The following PCDHA2 variants were observed in gnomAD, a reference collection of about 807,000 sequenced individuals.
The protein encoded by PCDHA2 is protocadherin alpha-2.
Under a neutral mutation model 66.0 loss-of-function variants are expected in PCDHA2, and 58 were observed. That is an observed-to-expected ratio of 0.88 (90% CI 0.71 to 1.09). PCDHA2 has a LOEUF of 1.09. Ranked by LOEUF, PCDHA2 falls within the 50% of genes least tolerant of loss-of-function variation. The pLI is 0.00. For synonymous variants in PCDHA2, 634 were observed against 554.0 expected (o/e 1.14, Z -2.03); for missense variants, 1,267 against 1,242.3 (o/e 1.02, Z -0.30).
chr5:140,842,018 C>T, intron 1 of PCDHA2: 1 of 1,613,764 alleles, frequency 6.2e-7, no homozygotes, highest in Non-Finnish European at 8.5e-7. Context: ...GGTCACAGTG[C>T]TGGATGTGAA....
At chr5:140,815,479 C>G (rs1197812042) in intron 1 of PCDHA2, 1 of 152,058 alleles carries the variant, frequency 6.6e-6, no homozygotes, top group Non-Finnish European at 1.5e-5. Context: ...TACTTCTCCC[C>G]TACCCAAATT....
intron 1 of PCDHA2, among the ~76,000 whole-genome samples, chr5:140,800,552 T>C (rs1554121157): frequency 6.6e-6 from 1 of 152,206 alleles, no homozygotes; most frequent in Non-Finnish European, 1.5e-5. Flanking sequence ...CTGATTTTTC[T>C]ATAAAATGTA....
chr5:140,841,237 C>T (rs1428420937), intron 1 of PCDHA2: 16 of 1,479,782 alleles, frequency 1.1e-5, no homozygotes, highest in Middle Eastern at 2.0e-4. Context: ...GGAGATGCAG[C>T]GGAATTGGAT....
intron 1 of PCDHA2, chr5:140,821,814 C>A (rs139136006): frequency 5.7e-5 from 92 of 1,613,758 alleles, no homozygotes; most frequent in Non-Finnish European, 7.6e-5. Flanking sequence ...GATCCCGGCT[C>A]CTGCTGCTCT....
At chr5:140,904,471 C>G (rs2071156688) in intron 1 of PCDHA2, among the ~76,000 whole-genome samples, 1 of 151,730 alleles carries the variant, frequency 6.6e-6, no homozygotes, top group Non-Finnish European at 1.5e-5. Context: ...TGATTGGTGG[C>G]TATTTGGTCT....
chr5:140,841,385 G>A, intron 1 of PCDHA2: 1 of 1,613,440 alleles, frequency 6.2e-7, no homozygotes, highest in Non-Finnish European at 8.5e-7. Flanking sequence ...TCTGCTCCTC[G>A]CAGCCTGGAA....
chr5:140,980,949 A>G (rs1187381167), intron 2 of PCDHA2, among the ~76,000 whole-genome samples: 1 of 152,182 alleles, frequency 6.6e-6, no homozygotes, highest in East Asian at 1.9e-4. Context: ...TGGCTCCAGG[A>G]TAGTTACACC....
At chr5:140,860,183 C>G (rs1286653695) in intron 1 of PCDHA2, 2 of 149,278 alleles carry the variant, frequency 1.3e-5, no homozygotes, top group Non-Finnish European at 3.0e-5. Flanking sequence ...ATATGATGGG[C>G]TCTCCTTACA....
chr5:140,810,990 G>C (rs1764773060), intron 1 of PCDHA2: 1 of 152,100 alleles, frequency 6.6e-6, no homozygotes, highest in South Asian at 2.1e-4. Flanking sequence ...TAGGGGTCAA[G>C]ATTTATTTTT....
At chr5:140,804,334 CT>C (rs1763380343) in intron 1 of PCDHA2, 1 of 151,888 alleles carries the variant, frequency 6.6e-6, no homozygotes, top group Non-Finnish European at 1.5e-5. Context: ...AATAATACTA[CT>C]GTATTATATG....
intron 1 of PCDHA2, among the ~76,000 whole-genome samples, chr5:140,914,691 T>G (rs1300550753): frequency 6.6e-6 from 1 of 152,130 alleles, no homozygotes; most frequent in Non-Finnish European, 1.5e-5. Flanking sequence ...TTTTCTCTGG[T>G]GGTATGATTT....
intron 1 of PCDHA2, among the ~76,000 whole-genome samples, chr5:140,933,677 T>G (rs1024721491): frequency 6.6e-6 from 1 of 151,826 alleles, no homozygotes; most frequent in African/African-American, 2.4e-5. Flanking sequence ...CTCTCTCACA[T>G]TTTTTTTCCT....
At chr5:140,857,327 C>G (rs1554149849) in intron 1 of PCDHA2, 1 of 1,598,614 alleles carries the variant, frequency 6.3e-7, no homozygotes, top group Non-Finnish European at 8.6e-7. Flanking sequence ...GGTGACCGCG[C>G]GGGACGGGGG....
intron 1 of PCDHA2, chr5:140,827,943 A>G (rs1212909516): frequency 3.0e-5 from 36 of 1,183,776 alleles, no homozygotes; most frequent in Non-Finnish European, 3.8e-5. Context: ...TAGCTAGCCA[A>G]CATTCAAATT....
intron 1 of PCDHA2, chr5:140,877,743 G>A: frequency 6.2e-7 from 1 of 1,614,148 alleles, no homozygotes; most frequent in Non-Finnish European, 8.5e-7. Context: ...GGAGGCAGAG[G>A]GTGTGCTCTG....
At chr5:140,850,730 G>T (rs1439103901) in intron 1 of PCDHA2, 3 of 1,597,976 alleles carry the variant, frequency 1.9e-6, no homozygotes, top group Non-Finnish European at 2.6e-6. Flanking sequence ...CTAGCGCGGT[G>T]GGGAGTTGGT....
At chr5:140,975,523 A>T (rs1275717294) in intron 1 of PCDHA2, among the ~76,000 whole-genome samples, 1 of 152,196 alleles carries the variant, frequency 6.6e-6, no homozygotes, top group African/African-American at 2.4e-5. Flanking sequence ...TCTGCAGTGG[A>T]TATATTCTTA....
intron 1 of PCDHA2, chr5:140,876,592 G>A (rs1469576623): frequency 1.2e-6 from 2 of 1,614,164 alleles, no homozygotes; most frequent in Middle Eastern, 1.6e-4. Flanking sequence ...CCTGATTAGC[G>A]TGTCGGATCG....
At chr5:140,827,717 A>G (rs1179234580) in intron 1 of PCDHA2, among the ~76,000 whole-genome samples, 2 of 152,248 alleles carry the variant, frequency 1.3e-5, no homozygotes, top group African/African-American at 4.8e-5. Context: ...ATATTGGTAG[A>G]AAAGTTGTTT....
Sources: allele counts gnomAD v4.1 joint callset (sites outside exome capture counted in the v4.1 genomes callset), GRCh38; gene constraint gnomAD v4.1.1; transcripts MANE v1.5; gene names NCBI Gene and HGNC (gene_info 2026-07-23, HGNC 2026-07-21).